MBNL2: variants seen among roughly 807,000 people sequenced by gnomAD.
The protein encoded by MBNL2 is muscleblind like splicing regulator 2.
A neutral mutation model predicts 41.9 loss-of-function variants in MBNL2; 17 were observed. The observed-to-expected ratio is 0.41, with a 90% CI of 0.28 to 0.61. MBNL2 has a LOEUF of 0.61. MBNL2 is among the 20% of genes least tolerant of loss of function. MBNL2 has a pLI of 0.35. For missense variants in MBNL2, 336 were observed against 505.6 expected, an observed-to-expected ratio of 0.66 and a Z score of 3.22; for synonymous variants, 195 against 182.9, an observed-to-expected ratio of 1.07 and a Z score of -0.53.
intron 2 of MBNL2, among the ~76,000 whole-genome samples, chr13:97,296,609 G>A (rs191286265): frequency 1.4e-4 from 22 of 152,112 alleles, no homozygotes; most frequent in South Asian, 8.3e-4. Flanking sequence ...ATAGAAGTAC[G>A]GTTTAATAGA....
At chr13:97,167,668 G>A in the MBNL2 span, among the ~76,000 whole-genome samples, 307 of 152,172 alleles carry the variant, frequency 2.0e-3, 1 homozygote, top group Non-Finnish European at 3.8e-3. Context: ...TAAAGCAGAG[G>A]ATTTAACTAA....
At chr13:97,148,672 G>C in the MBNL2 span, among the ~76,000 whole-genome samples, 1 of 152,070 alleles carries the variant, frequency 6.6e-6, no homozygotes, top group East Asian at 1.9e-4. Flanking sequence ...AGACTAAGAG[G>C]CAGCATCATA....
the MBNL2 span, among the ~76,000 whole-genome samples, chr13:97,159,025 G>A: frequency 3.3e-5 from 5 of 150,700 alleles, no homozygotes; most frequent in South Asian, 8.4e-4. Context: ...TAATGTGTGG[G>A]AGTCTAAGTC....
At position 97,268,470 on chromosome 13, in the gene MBNL2, A is replaced by C. The variant is rs903856420; in HGVS notation, c.-604-7162A>C. Among the ~76,000 whole-genome samples, 3 of 151,952 alleles carry C rather than the reference A, an allele frequency of 2.0e-5. No homozygotes were observed. Among genetic ancestry groups the C allele is most frequent in the African/African-American group, 7.3e-5 (3 of 41,360 alleles). On this transcript the variant is annotated intron_variant, in intron 1 of 8. Transcript: ENST00000679496. This position sits in a 1 kb window ranked among gnomAD's most constrained non-coding sequence, Gnocchi z 4.6. ...CTGGCCCAGGCACAACACTTTAAAA[A>C]CCGCTGGACTAAAGATCTGGGCATT...
intron 2 of MBNL2, among the ~76,000 whole-genome samples, chr13:97,290,642 G>C (rs1371176623): frequency 1.2e-4 from 18 of 146,506 alleles, no homozygotes; most frequent in Non-Finnish European, 2.4e-4. Context: ...CGCCACTGCA[G>C]TCCGCAGTCT....
chr13:97,294,184 T>G (rs1483096008), intron 2 of MBNL2, among the ~76,000 whole-genome samples: 4 of 152,274 alleles, frequency 2.6e-5, no homozygotes, highest in Admixed American at 1.3e-4. Context: ...TATTTCTAGC[T>G]TACGCTTCTG....
At chr13:97,169,839 A>G in the MBNL2 span, among the ~76,000 whole-genome samples, 1 of 152,206 alleles carries the variant, frequency 6.6e-6, no homozygotes, top group African/African-American at 2.4e-5. Flanking sequence ...TTATTTCCCT[A>G]CAATGCTGCC....
At chr13:97,183,307 T>C in the MBNL2 span, among the ~76,000 whole-genome samples, 1 of 152,226 alleles carries the variant, frequency 6.6e-6, no homozygotes, top group Non-Finnish European at 1.5e-5. Context: ...TCTTTCATAG[T>C]AGTTACCCAA....
intron 1 of MBNL2, among the ~76,000 whole-genome samples, chr13:97,274,726 A>G (rs2051824092): frequency 6.6e-6 from 1 of 152,148 alleles, no homozygotes; most frequent in Non-Finnish European, 1.5e-5. Context: ...TGTCCCAGTA[A>G]CTGGAATTTA....
At chr13:97,178,313 C>A in the MBNL2 span, among the ~76,000 whole-genome samples, 3 of 152,122 alleles carry the variant, frequency 2.0e-5, no homozygotes, top group East Asian at 5.8e-4. Context: ...ATATACAGTT[C>A]TATGAGACAG....
At chr13:97,302,371 T>C (rs1210774697) in intron 2 of MBNL2, among the ~76,000 whole-genome samples, 3 of 152,180 alleles carry the variant, frequency 2.0e-5, no homozygotes, top group Non-Finnish European at 2.9e-5. Context: ...TTGAAAGTAG[T>C]TTGTCCTTTT....
At chr13:97,246,780 C>G (rs978075316) in intron 1 of MBNL2, among the ~76,000 whole-genome samples, 1 of 152,152 alleles carries the variant, frequency 6.6e-6, no homozygotes, top group African/African-American at 2.4e-5. Flanking sequence ...CTCCTCCAGA[C>G]GGGCTTTTTC....
At chr13:97,190,089 CT>C in the MBNL2 span, among the ~76,000 whole-genome samples, 2 of 152,250 alleles carry the variant, frequency 1.3e-5, no homozygotes, top group Non-Finnish European at 2.9e-5. Context: ...CAGTGGACCC[CT>C]GGCTTAGTTT....
intron 8 of MBNL2, among the ~76,000 whole-genome samples, chr13:97,388,490 C>T (rs1247542996): frequency 1.3e-5 from 2 of 152,032 alleles, no homozygotes; most frequent in Non-Finnish European, 2.9e-5. Flanking sequence ...AGAGGTTCCT[C>T]TTTCTCTCAA....
intron 1 of MBNL2, among the ~76,000 whole-genome samples, chr13:97,232,913 T>TA (rs1488772902): frequency 3.4e-5 from 5 of 148,164 alleles, no homozygotes; most frequent in African/African-American, 1.3e-4. Flanking sequence ...TGAATGAACT[T>TA]AAACAACTTG....
At chr13:97,293,137 A>G (rs924463261) in intron 2 of MBNL2, among the ~76,000 whole-genome samples, 1 of 152,092 alleles carries the variant, frequency 6.6e-6, no homozygotes, top group African/African-American at 2.4e-5. Context: ...AATTCTGAGT[A>G]GAATATTTAG....
intron 5 of MBNL2, among the ~76,000 whole-genome samples, chr13:97,353,390 A>G (rs1166339585): frequency 6.6e-6 from 1 of 152,230 alleles, no homozygotes; most frequent in African/African-American, 2.4e-5. Context: ...CAGTACACAG[A>G]AGAAAAACTA....
the MBNL2 span, among the ~76,000 whole-genome samples, chr13:97,187,726 T>C: frequency 6.7e-6 from 1 of 148,740 alleles, no homozygotes; most frequent in African/African-American, 2.5e-5. Context: ...GCTAACACAC[T>C]GAAACCCCGT....
At chr13:97,219,359 G>T (rs1010097663), upstream of MBNL2, among the ~76,000 whole-genome samples, 1 of 152,154 alleles carries the variant, frequency 6.6e-6, no homozygotes, top group Non-Finnish European at 1.5e-5. Flanking sequence ...CCATGTTGAG[G>T]GCTTTTATCT....
Sources: allele counts gnomAD v4.1 joint callset (sites outside exome capture counted in the v4.1 genomes callset), GRCh38; gene constraint gnomAD v4.1.1; non-coding constraint Gnocchi (gnomAD v3.1); transcripts MANE v1.5; gene names NCBI Gene and HGNC (gene_info 2026-07-23, HGNC 2026-07-21).